The following MARK4 variants were observed in gnomAD, a reference collection of about 807,000 sequenced individuals.
The protein encoded by MARK4 is MAP/microtubule affinity-regulating kinase 4.
A neutral mutation model predicts 81.5 loss-of-function variants in MARK4; 19 were observed. That is an observed-to-expected ratio of 0.23 (90% confidence interval 0.16 to 0.34). The LOEUF (loss-of-function observed/expected upper bound fraction) is 0.34, where lower values mean the gene tolerates loss of function less well. MARK4 is among the 10% of genes least tolerant of loss of function. The pLI is 1.00. For missense variants in MARK4, 772 were observed against 1,058.8 expected, an observed-to-expected ratio of 0.73 and a Z score of 3.76; for synonymous variants, 436 against 439.0, an observed-to-expected ratio of 0.99 and a Z score of 0.08.
Position 45,271,815 on chromosome 19 carries a change from G to A in MARK4, c.786+107G>A. Reference sequence around the variant, plus strand: ...GGCCTCAGTGGTGGGACTGGCCTGAGTTCTCATGGGAAGATGGGGGATGGG... The same window carrying A: ...GGCCTCAGTGGTGGGACTGGCCTGAATTCTCATGGGAAGATGGGGGATGGG... On this transcript the variant is annotated intron_variant, in intron 8 of 16. Coordinates refer to ENST00000262891, the MANE Select transcript of MARK4 (RefSeq NM_001199867.2). The surrounding 1 kb of genome is among the most constrained non-coding windows in gnomAD (Gnocchi z 4.1). The A allele has an allele frequency of 9.4e-7, 1 of 1,068,442 alleles. No homozygotes were observed. Among genetic ancestry groups the A allele is most frequent in the Non-Finnish European group, 1.4e-6 (1 of 733,754 alleles). The allele number at this position is 1,068,442 out of a possible 1,614,324, so 66.2% of individuals were successfully genotyped here.
chr19:45,286,606 G>T (rs1970745954), intron 12 of MARK4, among the ~76,000 whole-genome samples: 1 of 151,868 alleles, frequency 6.6e-6, no homozygotes, highest in African/African-American at 2.4e-5. Context: ...CCAGCTACTT[G>T]GGAGGCTGAA....
intron 7 of MARK4, among the ~76,000 whole-genome samples, chr19:45,270,566 T>C (rs1381241646): frequency 1.3e-5 from 2 of 152,152 alleles, no homozygotes; most frequent in African/African-American, 4.8e-5. Context: ...AATAGTGATA[T>C]TACATAGTAC....
intron 7 of MARK4, among the ~76,000 whole-genome samples, chr19:45,270,415 T>C (rs1453260832): frequency 2.6e-5 from 4 of 152,144 alleles, no homozygotes; most frequent in East Asian, 1.9e-4. Context: ...ATGGTAGATA[T>C]GCAACCAGGA....
rs753496642 is a variant in MARK4, at chr19:45,280,686, C to T, written c.1228C>T (p.Arg410Trp). Reference sequence around the variant, plus strand: ...AGGCACCAGCCACAGCAAAGGGCAGCGGAGTTCCTCTTCCACCTACCACCG... The same window carrying T: ...AGGCACCAGCCACAGCAAAGGGCAGTGGAGTTCCTCTTCCACCTACCACCG... ...SKGTSHSKGQ[R>W]SSSSTYHRQR... The change falls in exon 12 of 17, where the codon CGG becomes TGG. Residue 410 changes from arginine (R) to tryptophan (W), a missense_variant. By Grantham distance (101) the Arg-to-Trp change is moderately radical. Transcript: ENST00000262891. 30 of 1,614,192 alleles carry T rather than the reference C, an allele frequency of 1.9e-5. No individual in the cohort carries two copies. Among genetic ancestry groups the T allele is most frequent in the Non-Finnish European group, 2.3e-5 (27 of 1,180,034 alleles).
chr19:45,287,189 CCAGA>C (rs796693569), intron 12 of MARK4, among the ~76,000 whole-genome samples: 5 of 144,688 alleles, frequency 3.5e-5, no homozygotes, highest in African/African-American at 1.3e-4. Context: ...GGCAACAGAA[CCAGA>C]CTTTGTCTCA....
intron 1 of MARK4, 68 bp downstream of exon 1, chr19:45,251,707 AC>A: frequency 7.2e-7 from 1 of 1,392,094 alleles, no homozygotes; most frequent in Admixed American, 2.6e-5. Context: ...TCCCCGTTGT[AC>A]CCCTCGCCCC....
At chr19:45,293,223 G>A (rs1970841342) in intron 13 of MARK4, among the ~76,000 whole-genome samples, 1 of 151,938 alleles carries the variant, frequency 6.6e-6, no homozygotes, top group Non-Finnish European at 1.5e-5. Context: ...CTGAGATCAT[G>A]CCATTGCACT....
At chr19:45,259,340 A>C in intron 2 of MARK4, 151 bp downstream of exon 2, 1 of 827,056 alleles carries the variant, frequency 1.2e-6, no homozygotes, top group Non-Finnish European at 1.8e-6. Context: ...AATATCTCTG[A>C]TGTTCCCAGA....
chr19:45,275,121 C>T (rs1318847002), intron 8 of MARK4, among the ~76,000 whole-genome samples: 1 of 152,046 alleles, frequency 6.6e-6, no homozygotes, highest in Non-Finnish European at 1.5e-5. Flanking sequence ...AGTAGCCAGG[C>T]GTGGCGGCAC....
chr19:45,294,548 G>T (rs1970861696), intron 14 of MARK4, 96 bp downstream of exon 14: 1 of 1,061,276 alleles, frequency 9.4e-7, no homozygotes, highest in Non-Finnish European at 1.4e-6. Flanking sequence ...GGAGGCTGGT[G>T]CCATGGGGAC....
At chr19:45,297,596 C>A (rs1970902797) in intron 14 of MARK4, 80 bp from the exon 15 acceptor site, 2 of 849,446 alleles carry the variant, frequency 2.4e-6, no homozygotes, top group African/African-American at 1.7e-5. Flanking sequence ...GGTCTCAGGA[C>A]AGGAATGTGA....
intron 12 of MARK4, among the ~76,000 whole-genome samples, chr19:45,286,100 G>A (rs1970739107): frequency 6.6e-6 from 1 of 152,108 alleles, no homozygotes. Context: ...ACTGTTGCCA[G>A]ACTGGAGTGC....
At chr19:45,288,713 G>T (rs887223205) in intron 13 of MARK4, among the ~76,000 whole-genome samples, 2 of 151,852 alleles carry the variant, frequency 1.3e-5, no homozygotes, top group Non-Finnish European at 2.9e-5. Flanking sequence ...AGCTGGGCAT[G>T]GTGGCATGCA....
chr19:45,263,635 G>A (rs568984374), intron 4 of MARK4, among the ~76,000 whole-genome samples: 1 of 151,994 alleles, frequency 6.6e-6, no homozygotes, highest in African/African-American at 2.4e-5. Context: ...CCAGCTACTC[G>A]GGAGGCTGAG....
chr19:45,287,579 C>G lies in MARK4; in HGVS notation c.1409C>G (p.Pro470Arg). 1 of 1,595,998 alleles carries G rather than the reference C, an allele frequency of 6.3e-7. No individual in the cohort carries two copies. Among genetic ancestry groups the G allele is most frequent in the Non-Finnish European group, 8.6e-7 (1 of 1,168,918 alleles). The change falls in exon 13 of 17, where the codon CCC becomes CGC. Residue 470 changes from proline (P) to arginine (R), a missense_variant. Pro to Arg is a moderately radical substitution (Grantham distance 103). Coordinates refer to ENST00000262891, the MANE Select transcript of MARK4 (RefSeq NM_001199867.2). ...GCGGGGAGTGGGAGTCGAGGGCTGC[C>G]CCCCTCCAGCCCCATGGTCAGCAGC... ...STAGSGSRGL[P>R]PSSPMVSSAH...
intron 2 of MARK4, among the ~76,000 whole-genome samples, chr19:45,261,358 A>G (rs1196057460): frequency 1.3e-5 from 2 of 152,216 alleles, no homozygotes; most frequent in African/African-American, 2.4e-5. Context: ...CTGTGTGATG[A>G]CGAAACTGGC....
intron 6 of MARK4, 102 bp from the exon 7 acceptor site, chr19:45,266,123 T>C: frequency 1.7e-6 from 2 of 1,178,740 alleles, no homozygotes; most frequent in Middle Eastern, 1.9e-4. Flanking sequence ...AGGCTGTGCC[T>C]TGGGGAGGCC....
intron 9 of MARK4, 120 bp from the exon 10 acceptor site, chr19:45,278,396 C>A: frequency 2.2e-6 from 2 of 907,470 alleles, no homozygotes; most frequent in Admixed American, 3.7e-5. Context: ...GGCGCTATCT[C>A]TTAGGAAGCC....
intron 14 of MARK4, among the ~76,000 whole-genome samples, chr19:45,295,779 A>AT (rs1240027381): frequency 1.3e-5 from 2 of 150,628 alleles, no homozygotes; most frequent in African/African-American, 4.8e-5. Context: ...AATCCGTCTC[A>AT]TAAAAAAAAG....
Sources: gnomAD v4.1 joint callset for allele counts (sites outside exome capture counted in the v4.1 genomes callset) on GRCh38, gnomAD v4.1.1 for gene constraint, Gnocchi (gnomAD v3.1) non-coding constraint, MANE v1.5 for transcripts, NCBI Gene and HGNC (gene_info 2026-07-23, HGNC 2026-07-21) for gene names.